Variants in DOCK1 observed in about 807,000 individuals in gnomAD.
DOCK1 encodes the protein dedicator of cytokinesis 1.
Under a neutral mutation model 262.7 loss-of-function variants are expected in DOCK1, and 138 were observed. That is an observed-to-expected ratio of 0.53 (90% CI 0.46 to 0.61). The LOEUF (loss-of-function observed/expected upper bound fraction) is 0.61, where lower values mean the gene tolerates loss of function less well. Among genes scored for constraint, DOCK1 ranks in the 20% least tolerant of loss-of-function variants. The pLI is 0.00. For missense variants in DOCK1, 1,908 were observed against 2,370.7 expected (o/e 0.80, Z 4.05); for synonymous variants, 866 against 867.4 (o/e 1.00, Z 0.03).
intron 22 of DOCK1, among the ~76,000 whole-genome samples, chr10:127,056,962 C>A (rs2045200161): frequency 1.3e-5 from 2 of 152,130 alleles, no homozygotes; most frequent in Non-Finnish European, 2.9e-5. Flanking sequence ...CCCCTTCTGT[C>A]CTCCCCATCC....
chr10:126,950,827 C>G (rs1212078254), intron 1 of DOCK1, among the ~76,000 whole-genome samples: 1 of 152,106 alleles, frequency 6.6e-6, no homozygotes, highest in African/African-American at 2.4e-5. Context: ...TGGTCTTTCC[C>G]AGGGCAGAAT....
chr10:127,030,292 A>G (rs17771241), intron 16 of DOCK1, among the ~76,000 whole-genome samples: 29,959 of 152,100 alleles, frequency 0.2, 3,149 homozygotes, highest in East Asian at 0.28. Context: ...TGGGATTGCA[A>G]CTTGAGGAAT....
chr10:126,909,638 T>C (rs1207154947), intron 1 of DOCK1, among the ~76,000 whole-genome samples: 1 of 152,202 alleles, frequency 6.6e-6, no homozygotes, highest in Non-Finnish European at 1.5e-5. Flanking sequence ...TTACTCATAA[T>C]GGGACCCTTG....
intron 32 of DOCK1, among the ~76,000 whole-genome samples, chr10:127,359,805 T>G (rs1444717334): frequency 6.6e-6 from 1 of 152,054 alleles, no homozygotes; most frequent in Non-Finnish European, 1.5e-5. Context: ...TTAATGATTC[T>G]CTTTACAGAA....
At chr10:127,308,513 A>G (rs2061954520) in intron 29 of DOCK1, among the ~76,000 whole-genome samples, 1 of 152,288 alleles carries the variant, frequency 6.6e-6, no homozygotes, top group Non-Finnish European at 1.5e-5. Context: ...GGTTTGCTGT[A>G]CCTATCAACC....
intron 1 of DOCK1, among the ~76,000 whole-genome samples, chr10:126,957,892 A>G (rs1041117277): frequency 0.059 from 9,000 of 152,314 alleles, 307 homozygotes; most frequent in African/African-American, 0.078. Flanking sequence ...CTATTCAACA[A>G]TAGAAAATAA....
chr10:127,339,646 T>TGC (rs1400444719), intron 30 of DOCK1, among the ~76,000 whole-genome samples: 76 of 149,248 alleles, frequency 5.1e-4, no homozygotes, highest in South Asian at 6.4e-4. Flanking sequence ...TGTGTGTGTG[T>TGC]GTGCGCGCGC....
chr10:127,180,854 GA>G (rs1161281303), intron 27 of DOCK1, among the ~76,000 whole-genome samples: 1 of 152,138 alleles, frequency 6.6e-6, no homozygotes, highest in Non-Finnish European at 1.5e-5. Context: ...GATTATACTG[GA>G]AAAAAATGAA....
chr10:126,994,727 C>A (rs1416299931), intron 6 of DOCK1, among the ~76,000 whole-genome samples: 1 of 152,238 alleles, frequency 6.6e-6, no homozygotes, highest in East Asian at 1.9e-4. Context: ...TCTTTCTACA[C>A]AGACACAGTA....
chr10:127,113,706 G>C (rs1488717025), intron 25 of DOCK1, among the ~76,000 whole-genome samples: 1 of 152,178 alleles, frequency 6.6e-6, no homozygotes, highest in Non-Finnish European at 1.5e-5. Flanking sequence ...CTTTGGGCTT[G>C]TCAAAGCAAG....
intron 27 of DOCK1, among the ~76,000 whole-genome samples, chr10:127,215,749 A>G (rs559519556): frequency 6.6e-6 from 1 of 152,296 alleles, no homozygotes; most frequent in Admixed American, 6.5e-5. Context: ...AGTCCTACCT[A>G]CATATGGGAT....
chr10:126,977,438 G>T (rs368378064), intron 2 of DOCK1, among the ~76,000 whole-genome samples: 15 of 152,310 alleles, frequency 9.8e-5, no homozygotes, highest in East Asian at 7.7e-4. Flanking sequence ...TGTTGCTACA[G>T]AAGTACTTTG....
chr10:127,075,299 A>T (rs1425732376), intron 23 of DOCK1, among the ~76,000 whole-genome samples: 1 of 150,894 alleles, frequency 6.6e-6, no homozygotes, highest in Non-Finnish European at 1.5e-5. Flanking sequence ...ACTGAGACCG[A>T]GTCTCACTGT....
chr10:127,052,646 C>A (rs774369234), intron 21 of DOCK1, 35 bp from the exon 22 acceptor site: 1 of 1,613,304 alleles, frequency 6.2e-7, no homozygotes, highest in Admixed American at 1.7e-5. Context: ...TTTTCCTTTC[C>A]TGAGCTTATT....
chr10:127,288,470 A>C (rs2061236634), intron 29 of DOCK1, among the ~76,000 whole-genome samples: 3 of 151,720 alleles, frequency 2.0e-5, no homozygotes, highest in African/African-American at 4.8e-5. Flanking sequence ...TAGGAAATAC[A>C]TTTTCTTTTT....
rs1311481108 is a variant in DOCK1 at position 127,295,280 on chromosome 10, A to G, written c.3044+37851A>G. Among the ~76,000 whole-genome samples the G allele has an allele frequency of 2.6e-5, 4 of 152,268 alleles. No individual in the cohort carries two copies. The East Asian group carries it at 7.7e-4, about 29-fold the overall frequency. On this transcript the variant is annotated intron_variant, in intron 29 of 51. Transcript: ENST00000623213. The stretch of plus-strand genomic sequence containing the variant: ...AAGGAGAGCAGGTATGACACATGGC[A>G]CGAGCAGGAGCAAGAGAGGGAGAGG...
At chr10:127,333,734 G>A (rs1048361229) in intron 29 of DOCK1, among the ~76,000 whole-genome samples, 43 of 152,250 alleles carry the variant, frequency 2.8e-4, no homozygotes, top group African/African-American at 8.9e-4. Flanking sequence ...GAGCCTCGCC[G>A]GCCACACCAG....
chr10:127,184,898 G>A (rs1160470147), intron 27 of DOCK1, among the ~76,000 whole-genome samples: 1 of 152,100 alleles, frequency 6.6e-6, no homozygotes, highest in East Asian at 1.9e-4. Context: ...GCATGCCTGG[G>A]GTGACCTAGG....
At chr10:127,161,686 C>T (rs751567650) in intron 27 of DOCK1, among the ~76,000 whole-genome samples, 48 of 152,228 alleles carry the variant, frequency 3.2e-4, no homozygotes, top group Non-Finnish European at 4.0e-4. Context: ...CTGTTCTTTA[C>T]GGATCCTTTG....
Sources: allele counts gnomAD v4.1 joint callset (sites outside exome capture counted in the v4.1 genomes callset), GRCh38; gene constraint gnomAD v4.1.1; transcripts MANE v1.5; gene names NCBI Gene and HGNC (gene_info 2026-07-23, HGNC 2026-07-21).